The following CLSTN2 variants were observed in gnomAD, a reference collection of about 807,000 sequenced individuals.
CLSTN2 encodes calsyntenin 2.
Under a neutral mutation model 101.2 loss-of-function variants are expected in CLSTN2, and 48 were observed. The observed-to-expected ratio is 0.47, with a 90% CI of 0.38 to 0.60. The LOEUF (loss-of-function observed/expected upper bound fraction) is 0.60. Among genes scored for constraint, CLSTN2 ranks in the 20% least tolerant of loss-of-function variants. CLSTN2 has a pLI of 0.00. For synonymous variants in CLSTN2, 481 were observed against 463.6 expected, an observed-to-expected ratio of 1.04 and a Z score of -0.48; for missense variants, 1,160 against 1,238.2, an observed-to-expected ratio of 0.94 and a Z score of 0.95.
chr3:140,415,483 T>C (rs1199486559), intron 4 of CLSTN2, among the ~76,000 whole-genome samples: 1 of 8,548 alleles, frequency 1.2e-4, no homozygotes, highest in Admixed American at 1.0e-3. Flanking sequence ...TAACACAAAA[T>C]AGCAAAAAAA....
rs921470859 is a variant in CLSTN2, at chr3:140,523,818, G to A, written c.1345-8506G>A. ...CATTCTGTGGTTCCTCAAACCCCAG[G>A]GCAGCTGGTCACTTAGCAGACTGTT... On this transcript the variant is annotated intron_variant, in intron 8 of 16. Transcript: ENST00000458420. Among the ~76,000 whole-genome samples, 6 of 152,188 alleles carry A rather than the reference G, an allele frequency of 3.9e-5. No individual in the cohort carries two copies. The South Asian group carries it at 8.3e-4, about 21-fold the overall frequency.
intron 2 of CLSTN2, among the ~76,000 whole-genome samples, chr3:140,206,659 A>T (rs984734224): frequency 6.8e-6 from 1 of 147,160 alleles, no homozygotes; most frequent in East Asian, 1.9e-4. Flanking sequence ...ATGTGCTGCC[A>T]AATGGATTTG....
chr3:140,434,870 T>A (rs955824467), intron 5 of CLSTN2, among the ~76,000 whole-genome samples: 1 of 152,112 alleles, frequency 6.6e-6, no homozygotes, highest in African/African-American at 2.4e-5. Context: ...TTTTCCTTTT[T>A]TTATCTTGAA....
At chr3:140,320,371 C>A (rs1488109615) in intron 2 of CLSTN2, among the ~76,000 whole-genome samples, 1 of 152,090 alleles carries the variant, frequency 6.6e-6, no homozygotes, top group Non-Finnish European at 1.5e-5. Context: ...AAAGTAACAA[C>A]CTGATCACCT....
intron 2 of CLSTN2, among the ~76,000 whole-genome samples, chr3:140,182,589 G>T (rs544217651): frequency 6.6e-6 from 1 of 152,276 alleles, no homozygotes; most frequent in Non-Finnish European, 1.5e-5. Context: ...CATTCCTGAG[G>T]ACCAGAAGGC....
chr3:140,551,757 C>G (rs1416581103), intron 10 of CLSTN2, among the ~76,000 whole-genome samples: 1 of 150,858 alleles, frequency 6.6e-6, no homozygotes, highest in African/African-American at 2.4e-5. Context: ...TATTATTTAC[C>G]TTGTAGTGAT....
intron 1 of CLSTN2, among the ~76,000 whole-genome samples, chr3:140,115,784 C>T (rs1485497639): frequency 6.6e-6 from 1 of 152,196 alleles, no homozygotes; most frequent in Non-Finnish European, 1.5e-5. Context: ...TCCTATTGTT[C>T]TCCTTGAAAA....
chr3:140,285,816 G>A (rs1475886413), intron 2 of CLSTN2, among the ~76,000 whole-genome samples: 1 of 152,150 alleles, frequency 6.6e-6, no homozygotes, highest in Non-Finnish European at 1.5e-5. Flanking sequence ...GATTTGCCCA[G>A]GACTGGAGGG....
intron 2 of CLSTN2, among the ~76,000 whole-genome samples, chr3:140,210,053 T>C (rs183047997): frequency 6.6e-6 from 1 of 152,230 alleles, no homozygotes; most frequent in Non-Finnish European, 1.5e-5. Flanking sequence ...TGAGAAAAAC[T>C]ACTCTTCATT....
intron 2 of CLSTN2, among the ~76,000 whole-genome samples, chr3:140,237,043 CTT>C (rs148158512): frequency 0.014 from 2,085 of 152,118 alleles, 46 homozygotes; most frequent in African/African-American, 0.047. Flanking sequence ...TTTCTGGACT[CTT>C]TGCATGCCAA....
chr3:140,575,842 ACATACCC>A lies in CLSTN2; in HGVS notation c.*9592_*9598del, dbSNP rs1372687820. 2 of 152,206 alleles carry A rather than the reference ACATACCC, an allele frequency of 1.3e-5. No homozygotes were observed. Among genetic ancestry groups the A allele is most frequent in the Non-Finnish European group, 2.9e-5 (2 of 68,046 alleles). The allele number at this position is 152,206 out of a possible 1,614,324, so 9.4% of individuals were successfully genotyped here. ...TGTGTGCATATATGTGTACATATAC[ACATACCC>A]CAAAGCCATATACATATCTATAATA... is the stretch of plus-strand genomic sequence containing the variant. On this transcript the variant is annotated 3_prime_UTR_variant, in exon 17 of 17. Transcript: ENST00000458420.
intron 2 of CLSTN2, among the ~76,000 whole-genome samples, chr3:140,221,271 G>C (rs1354672326): frequency 6.6e-6 from 1 of 152,092 alleles, no homozygotes; most frequent in Non-Finnish European, 1.5e-5. Flanking sequence ...AACTCATTTG[G>C]TAAAAAAATT....
chr3:140,001,075 T>C (rs1044278080), intron 1 of CLSTN2, among the ~76,000 whole-genome samples: 2 of 152,208 alleles, frequency 1.3e-5, no homozygotes, highest in African/African-American at 4.8e-5. Context: ...GTTCCCATAT[T>C]GTACATGCGG....
At chr3:140,536,975 AT>A (rs1275523870) in intron 9 of CLSTN2, among the ~76,000 whole-genome samples, 3 of 152,238 alleles carry the variant, frequency 2.0e-5, no homozygotes, top group African/African-American at 7.2e-5. Flanking sequence ...TTAGATGAAA[AT>A]ATCAAAAGAT....
At chr3:140,266,291 A>G (rs1261369401) in intron 2 of CLSTN2, among the ~76,000 whole-genome samples, 1 of 152,228 alleles carries the variant, frequency 6.6e-6, no homozygotes, top group African/African-American at 2.4e-5. Flanking sequence ...AATGAGCAGA[A>G]AATGAAACAA....
At chr3:140,253,634 G>A (rs557361298) in intron 2 of CLSTN2, among the ~76,000 whole-genome samples, 1 of 152,192 alleles carries the variant, frequency 6.6e-6, no homozygotes, top group Middle Eastern at 3.4e-3. Context: ...TAAAGTGGAA[G>A]ACCTGTTTCT....
At chr3:140,045,118 C>T (rs534249239) in intron 1 of CLSTN2, among the ~76,000 whole-genome samples, 1 of 152,138 alleles carries the variant, frequency 6.6e-6, no homozygotes, top group East Asian at 1.9e-4. Flanking sequence ...CCAGCTCCTC[C>T]TTGTACCTCT....
intron 8 of CLSTN2, among the ~76,000 whole-genome samples, chr3:140,497,844 A>T (rs960969983): frequency 6.6e-6 from 1 of 152,138 alleles, no homozygotes; most frequent in South Asian, 2.1e-4. Flanking sequence ...GAATCTCCTG[A>T]TCTGCAGGTT....
Position 140,563,206 on chromosome 3 carries a change from A to G in CLSTN2, c.2482+3A>G. The G allele has an allele frequency of 6.2e-7, 1 of 1,613,556 alleles. No homozygotes were observed. The highest frequency in any genetic ancestry group is 1.1e-5 in the South Asian group (1 of 91,014). ...GAGTAGCATCCAGCACAGTTCAGGT[A>G]GGGTGCCCAAGAGGAGGGACCCTCA... On this transcript the variant is annotated splice_donor_region_variant and intron_variant, in intron 15 of 16. Transcript: ENST00000458420.
Sources: gnomAD v4.1 joint callset for allele counts (sites outside exome capture counted in the v4.1 genomes callset) on GRCh38, gnomAD v4.1.1 for gene constraint, MANE v1.5 for transcripts, NCBI Gene and HGNC (gene_info 2026-07-23, HGNC 2026-07-21) for gene names.